Variants in IGF2BP3 observed in about 807,000 individuals in gnomAD.
IGF2BP3 encodes the protein insulin-like growth factor 2 mRNA-binding protein 3.
Under a neutral mutation model 73.8 loss-of-function variants are expected in IGF2BP3, and 9 were observed. That is an observed-to-expected ratio of 0.12 (90% CI 0.07 to 0.21). IGF2BP3 has a LOEUF of 0.21. Ranked by LOEUF, IGF2BP3 falls within the 10% of genes least tolerant of loss-of-function variation. The probability of loss-of-function intolerance (pLI) is 1.00; values close to 1 mark genes in which losing one functional copy is unlikely to be tolerated. For synonymous variants in IGF2BP3, 258 were observed against 256.7 expected, an observed-to-expected ratio of 1.01 and a Z score of -0.05; for missense variants, 542 against 714.0, an observed-to-expected ratio of 0.76 and a Z score of 2.75.
intron 5 of IGF2BP3, among the ~76,000 whole-genome samples, chr7:23,355,306 C>A (rs1189896028): frequency 3.3e-5 from 5 of 151,826 alleles, no homozygotes; most frequent in African/African-American, 9.7e-5. Flanking sequence ...ACTGCTGCAA[C>A]CTCCACCTCC....
chr7:23,342,667 G>A (rs1237648769), intron 9 of IGF2BP3, among the ~76,000 whole-genome samples: 1 of 152,140 alleles, frequency 6.6e-6, no homozygotes, highest in Non-Finnish European at 1.5e-5. Context: ...TGGAAATCAG[G>A]ACCCATCCCC....
chr7:23,328,724 C>A (rs1784367126), intron 10 of IGF2BP3, among the ~76,000 whole-genome samples: 2 of 152,054 alleles, frequency 1.3e-5, no homozygotes. Context: ...TTATACATGA[C>A]CAAGTAATTT....
At chr7:23,465,499 C>G (rs1788545941) in intron 2 of IGF2BP3, among the ~76,000 whole-genome samples, 1 of 150,160 alleles carries the variant, frequency 6.7e-6, no homozygotes, top group Admixed American at 6.7e-5. Context: ...GAACCAAATT[C>G]AACCTTACTA....
chr7:23,336,960 A>G (rs1784589525), intron 10 of IGF2BP3, among the ~76,000 whole-genome samples: 1 of 152,220 alleles, frequency 6.6e-6, no homozygotes. Flanking sequence ...AAAGAAAAAA[A>G]AAAAAGAAGC....
At chr7:23,415,526 C>T (rs1787164886) in intron 3 of IGF2BP3, 2 of 270,418 alleles carry the variant, frequency 7.4e-6, no homozygotes, top group Non-Finnish European at 1.4e-5. Flanking sequence ...TCCGCAGGTC[C>T]CGTCCGTCAG....
chr7:23,386,887 T>G (rs1437378048), intron 3 of IGF2BP3, among the ~76,000 whole-genome samples: 1 of 151,914 alleles, frequency 6.6e-6, no homozygotes, highest in African/African-American at 2.4e-5. Context: ...GCCAATATGG[T>G]GAAACCCCAT....
At chr7:23,396,473 G>T in intron 3 of IGF2BP3, 1 of 184,748 alleles carries the variant, frequency 5.4e-6, no homozygotes, top group Non-Finnish European at 1.2e-5. Context: ...AAAATAGCTG[G>T]AATTACTGGC....
chr7:23,392,776 T>C (rs74455929), intron 3 of IGF2BP3, among the ~76,000 whole-genome samples: 2 of 152,136 alleles, frequency 1.3e-5, no homozygotes, highest in East Asian at 3.9e-4. Context: ...ACTACAGACG[T>C]GGGCCACCAC....
rs371890798 is a variant in IGF2BP3, at chr7:23,452,734, G to A, written c.236+15748C>T. Among the ~76,000 whole-genome samples the A allele has an allele frequency of 4.0e-4, 61 of 151,456 alleles. No individual in the cohort carries two copies. In the East Asian group the frequency reaches 8.6e-3, roughly 21 times the overall value. ...GGAGAATCGCTTGAACCCAGGAGGC[G>A]GAGGTTGCAGTGAGCCGAGATCGTG... is the stretch of plus-strand genomic sequence containing the variant. On this transcript the variant is annotated intron_variant, in intron 2 of 14. Coordinates refer to ENST00000258729, the MANE Select transcript of IGF2BP3 (RefSeq NM_006547.3).
intron 12 of IGF2BP3, among the ~76,000 whole-genome samples, chr7:23,317,137 G>A (rs991006166): frequency 3.3e-5 from 5 of 152,066 alleles, no homozygotes; most frequent in African/African-American, 9.7e-5. Context: ...CCCACTAAAC[G>A]TGCAATGGTT....
chr7:23,402,246 T>A (rs1786691202), intron 3 of IGF2BP3: 1 of 152,366 alleles, frequency 6.6e-6, no homozygotes, highest in East Asian at 1.9e-4. Flanking sequence ...TGGATTTACC[T>A]GTATGTGATC....
chr7:23,425,867 G>A (rs1476349620), intron 2 of IGF2BP3, among the ~76,000 whole-genome samples: 4 of 152,048 alleles, frequency 2.6e-5, no homozygotes, highest in Non-Finnish European at 5.9e-5. Flanking sequence ...GGGAGGCTGA[G>A]GCAGGAGGAT....
chr7:23,398,500 A>T (rs1337518555), intron 3 of IGF2BP3, among the ~76,000 whole-genome samples: 1 of 152,220 alleles, frequency 6.6e-6, no homozygotes, highest in Non-Finnish European at 1.5e-5. Context: ...TGACATCCAC[A>T]ATGGTTGAAC....
chr7:23,392,313 A>G (rs1786302340), intron 3 of IGF2BP3, among the ~76,000 whole-genome samples: 1 of 151,900 alleles, frequency 6.6e-6, no homozygotes, highest in Non-Finnish European at 1.5e-5. Context: ...TTCTGCGAAC[A>G]TGTCACAGTG....
intron 10 of IGF2BP3, among the ~76,000 whole-genome samples, chr7:23,327,447 A>T (rs1007035420): frequency 3.3e-5 from 5 of 151,550 alleles, no homozygotes; most frequent in Non-Finnish European, 5.9e-5. Context: ...CGCCCGGCTA[A>T]TTTTTTTGTA....
intron 3 of IGF2BP3, among the ~76,000 whole-genome samples, chr7:23,395,736 G>A (rs576916062): frequency 6.6e-6 from 1 of 152,066 alleles, no homozygotes; most frequent in East Asian, 1.9e-4. Flanking sequence ...GACCAGCCTG[G>A]CCAACATGGT....
At chr7:23,384,190 AC>A (rs1327956094) in intron 3 of IGF2BP3, among the ~76,000 whole-genome samples, 2 of 152,076 alleles carry the variant, frequency 1.3e-5, no homozygotes, top group African/African-American at 2.4e-5. Flanking sequence ...GAAGCCAGAC[AC>A]AAAAGACCAC....
intron 2 of IGF2BP3, among the ~76,000 whole-genome samples, chr7:23,436,300 G>A (rs7782764): frequency 0.11 from 16,042 of 152,156 alleles, 932 homozygotes; most frequent in Middle Eastern, 0.15. Context: ...CTGTCTTTTA[G>A]AGATACATGC....
intron 2 of IGF2BP3, among the ~76,000 whole-genome samples, chr7:23,440,558 T>G (rs80308991): frequency 0.027 from 4,084 of 152,334 alleles, 202 homozygotes; most frequent in African/African-American, 0.094. Flanking sequence ...AAATCAGTGT[T>G]TTGGAAATGC....
Sources: gnomAD v4.1 joint callset for allele counts (sites outside exome capture counted in the v4.1 genomes callset) on GRCh38, gnomAD v4.1.1 for gene constraint, MANE v1.5 for transcripts, NCBI Gene and HGNC (gene_info 2026-07-23, HGNC 2026-07-21) for gene names.